Variants in BCAS3 observed in about 807,000 individuals in gnomAD.
BCAS3 encodes the protein BCAS4/BCAS3 fusion.
Under a neutral mutation model 116.1 loss-of-function variants are expected in BCAS3, and 53 were observed. That is an observed-to-expected ratio of 0.46 (90% CI 0.37 to 0.57). The LOEUF (loss-of-function observed/expected upper bound fraction) is 0.57. Among genes scored for constraint, BCAS3 ranks in the 20% least tolerant of loss-of-function variants. The pLI is 0.00. For synonymous variants in BCAS3, 391 were observed against 408.2 expected (o/e 0.96, Z 0.51); for missense variants, 917 against 1,165.4 (o/e 0.79, Z 3.10).
Position 61,250,641 on chromosome 17 carries a change from C to T in BCAS3, c.2426-117686C>T, listed in dbSNP as rs139712472. On this transcript the variant is annotated intron_variant, in intron 22 of 23. Transcript: ENST00000407086. Reference sequence around the variant, plus strand: ...ATTAAGGGGCACAGTCTCCCGTTTTCGGACAGCTAAAAGGCATTCTTTTCA... The same window carrying T: ...ATTAAGGGGCACAGTCTCCCGTTTTTGGACAGCTAAAAGGCATTCTTTTCA... Among the ~76,000 whole-genome samples, 119 of 152,332 alleles carry T rather than the reference C, an allele frequency of 7.8e-4. 1 individual carries two copies. The highest frequency in any genetic ancestry group is 2.7e-3 in the African/African-American group (111 of 41,584).
intron 13 of BCAS3, among the ~76,000 whole-genome samples, chr17:60,936,188 T>G (rs1269937080): frequency 6.6e-6 from 1 of 151,558 alleles, no homozygotes; most frequent in Non-Finnish European, 1.5e-5. Context: ...GGACATGAAC[T>G]CATCCTTTTT....
At chr17:60,969,445 T>TA in intron 14 of BCAS3, among the ~76,000 whole-genome samples, 1 of 152,166 alleles carries the variant, frequency 6.6e-6, no homozygotes, top group Non-Finnish European at 1.5e-5. Flanking sequence ...ATGGATGTGT[T>TA]AATAGCAGAA....
chr17:61,382,308 T>C (rs2059642103), intron 23 of BCAS3, among the ~76,000 whole-genome samples: 1 of 151,160 alleles, frequency 6.6e-6, no homozygotes, highest in South Asian at 2.1e-4. Flanking sequence ...TTGCCCAGGC[T>C]GGAGTGCAAT....
rs1164329324 is a variant in BCAS3, at chr17:61,219,377, T to C, written c.2425+134813T>C. Reference sequence around the variant, plus strand: ...ATGCAGTGATCAGGTTCAGGACTTTTGGGTCAGACTTAACATGAGTCTTCC... The same window carrying C: ...ATGCAGTGATCAGGTTCAGGACTTTCGGGTCAGACTTAACATGAGTCTTCC... On this transcript the variant is annotated intron_variant, in intron 22 of 23. Transcript: ENST00000407086. This position sits in a 1 kb window ranked among gnomAD's most constrained non-coding sequence, Gnocchi z 5.2. Among the ~76,000 whole-genome samples the C allele has an allele frequency of 1.3e-5, 2 of 152,194 alleles. No individual in the cohort carries two copies. The highest frequency in any genetic ancestry group is 1.3e-4 in the Admixed American group (2 of 15,286).
At chr17:60,743,112 CAAAA>C (rs528323733) in intron 5 of BCAS3, among the ~76,000 whole-genome samples, 1 of 68,038 alleles carries the variant, frequency 1.5e-5, no homozygotes, top group African/African-American at 5.4e-5. Flanking sequence ...GACTCCTTCT[CAAAA>C]AAAAAAAAAA....
chr17:61,134,681 A>G lies in BCAS3; in HGVS notation c.2425+50117A>G, dbSNP rs967486418. Among the ~76,000 whole-genome samples the G allele has an allele frequency of 1.3e-5, 2 of 152,240 alleles. No individual in the cohort carries two copies. The highest frequency in any genetic ancestry group is 1.5e-5 in the Non-Finnish European group (1 of 68,046). On this transcript the variant is annotated intron_variant, in intron 22 of 23. Transcript: ENST00000407086. This position sits in a 1 kb window ranked among gnomAD's most constrained non-coding sequence, Gnocchi z 4.6. ...AGCTAGCATTGATGGAGCCTGTACT[A>G]TATAATTATGTAATTATATTTACAA... is the stretch of plus-strand genomic sequence containing the variant.
chr17:60,936,013 C>A (rs2059903885), intron 13 of BCAS3, among the ~76,000 whole-genome samples: 4 of 151,798 alleles, frequency 2.6e-5, no homozygotes, highest in Admixed American at 2.6e-4. Context: ...CCCCCTTCCC[C>A]CCACCCCACA....
intron 7 of BCAS3, among the ~76,000 whole-genome samples, chr17:60,857,308 C>T (rs1336701083): frequency 6.6e-6 from 1 of 152,176 alleles, no homozygotes; most frequent in Non-Finnish European, 1.5e-5. Flanking sequence ...ACAGTAGATT[C>T]AGTTACATTC....
rs755898616 is a variant in BCAS3 at position 61,361,193 on chromosome 17, T to TA, written c.2426-7121dup. Among the ~76,000 whole-genome samples the TA allele has an allele frequency of 7.3e-3, 1,012 of 138,176 alleles. 8 individuals are homozygous for TA. Among genetic ancestry groups the TA allele is most frequent in the African/African-American group, 0.022 (833 of 38,062 alleles). The allele number at this position is 138,176 out of a possible 152,430, so 90.6% of individuals were successfully genotyped here. ...GATTCTGCTGAGAGAGAAAAAGAAT[T>TA]AAAAAAAAAAAAAGAAAAGACCCAG... is the stretch of plus-strand genomic sequence containing the variant. On this transcript the variant is annotated intron_variant, in intron 22 of 23. Transcript: ENST00000407086. The surrounding 1 kb of genome is among the most constrained non-coding windows in gnomAD (Gnocchi z 6.5).
chr17:60,826,444 G>A (rs550959867), intron 7 of BCAS3, among the ~76,000 whole-genome samples: 1 of 152,038 alleles, frequency 6.6e-6, no homozygotes, highest in South Asian at 2.1e-4. Context: ...CAAAGTGCTG[G>A]GATTACAGGC....
At chr17:60,739,656 C>A (rs1457995595) in intron 5 of BCAS3, among the ~76,000 whole-genome samples, 1 of 151,998 alleles carries the variant, frequency 6.6e-6, no homozygotes, top group Non-Finnish European at 1.5e-5. Flanking sequence ...TTTATTTCAC[C>A]TTCACTTATT....
chr17:60,865,570 T>C (rs1379258988), intron 7 of BCAS3, among the ~76,000 whole-genome samples: 1 of 152,240 alleles, frequency 6.6e-6, no homozygotes, highest in Admixed American at 6.5e-5. Flanking sequence ...TTTCAAATTG[T>C]TCATTTCTAT....
intron 19 of BCAS3, among the ~76,000 whole-genome samples, chr17:61,069,645 C>T (rs2071099534): frequency 6.6e-6 from 1 of 151,970 alleles, no homozygotes; most frequent in African/African-American, 2.4e-5. Context: ...TGAGACCAGC[C>T]TGGCCAACAT....
At chr17:61,311,964 C>A (rs2054347807) in intron 22 of BCAS3, among the ~76,000 whole-genome samples, 1 of 152,140 alleles carries the variant, frequency 6.6e-6, no homozygotes, top group Non-Finnish European at 1.5e-5. Context: ...GTTTTTAAGT[C>A]AAATGTGAGG....
chr17:60,887,732 G>A (rs981000819), intron 9 of BCAS3, among the ~76,000 whole-genome samples: 18 of 152,132 alleles, frequency 1.2e-4, no homozygotes, highest in Non-Finnish European at 2.1e-4. Flanking sequence ...GAGAAATAAG[G>A]CAAAGTATCA....
At chr17:61,271,749 A>G (rs116270063) in intron 22 of BCAS3, among the ~76,000 whole-genome samples, 3,240 of 151,778 alleles carry the variant, frequency 0.021, 105 homozygotes, top group African/African-American at 0.073. Context: ...GAGCCATCAC[A>G]CTCGGCCCCA....
At position 61,200,568 on chromosome 17, in the gene BCAS3, C is replaced by T. The variant is rs374074076; in HGVS notation, c.2425+116004C>T. On this transcript the variant is annotated intron_variant, in intron 22 of 23. Coordinates refer to ENST00000407086, the MANE Select transcript of BCAS3 (RefSeq NM_017679.5). The surrounding 1 kb of genome is among the most constrained non-coding windows in gnomAD (Gnocchi z 5.1). ...TCCTGGATCCTGATCGTTCAGCCTC[C>T]GAAACATTCCTACTGAAGAGGCATT... Among the ~76,000 whole-genome samples the T allele has an allele frequency of 1.0e-3, 159 of 152,250 alleles. 1 individual carries two copies. Among genetic ancestry groups the T allele is most frequent in the East Asian group, 7.9e-3 (41 of 5,180 alleles).
At chr17:61,014,512 CT>C (rs1331508748) in intron 15 of BCAS3, among the ~76,000 whole-genome samples, 1 of 151,992 alleles carries the variant, frequency 6.6e-6, no homozygotes, top group Non-Finnish European at 1.5e-5. Flanking sequence ...AACAATTACA[CT>C]TCTATATTAA....
intron 22 of BCAS3, among the ~76,000 whole-genome samples, chr17:61,262,874 T>C (rs1010494086): frequency 8.6e-5 from 13 of 151,346 alleles, no homozygotes; most frequent in African/African-American, 3.2e-4. Context: ...GTATTTTTAG[T>C]AGAGATGGGG....
Sources: allele counts gnomAD v4.1 joint callset (sites outside exome capture counted in the v4.1 genomes callset), GRCh38; gene constraint gnomAD v4.1.1; non-coding constraint Gnocchi (gnomAD v3.1); transcripts MANE v1.5; gene names NCBI Gene and HGNC (gene_info 2026-07-23, HGNC 2026-07-21).